SAXO1: variants seen among roughly 807,000 people sequenced by gnomAD.
SAXO1 encodes stabilizer of axonemal microtubules 1.
Under a neutral mutation model 17.5 loss-of-function variants are expected in SAXO1, and 21 were observed. The ratio of observed to expected loss-of-function variants is 1.20; its 90% CI spans 0.85 to 1.72. The LOEUF (loss-of-function observed/expected upper bound fraction) is 1.72, where lower values mean the gene tolerates loss of function less well. SAXO1 is among the 40% of genes most tolerant of loss of function. The probability of loss-of-function intolerance (pLI) is 0.00; values close to 1 mark genes in which losing one functional copy is unlikely to be tolerated. For synonymous variants in SAXO1, 274 were observed against 216.5 expected (o/e 1.27, Z -2.33); for missense variants, 843 against 596.0 (o/e 1.41, Z -4.32).
At chr9:18,992,233 G>A (rs1444311651) in intron 1 of SAXO1, among the ~76,000 whole-genome samples, 1 of 152,162 alleles carries the variant, frequency 6.6e-6, no homozygotes, top group African/African-American at 2.4e-5. Flanking sequence ...CAGTTCTAGG[G>A]GCTAGAAGTC....
chr9:19,005,975 C>T (rs1328690937), intron 1 of SAXO1, among the ~76,000 whole-genome samples: 1 of 152,132 alleles, frequency 6.6e-6, no homozygotes, highest in Non-Finnish European at 1.5e-5. Context: ...CTTGAGTAGA[C>T]ATCTCTCCAA....
At chr9:19,042,960 C>T (rs1027000572) in intron 1 of SAXO1, among the ~76,000 whole-genome samples, 5 of 151,914 alleles carry the variant, frequency 3.3e-5, no homozygotes, top group African/African-American at 1.2e-4. Flanking sequence ...TCACTTGAGC[C>T]CGGGAGTTTG....
chr9:18,974,768 T>C (rs1024361851), intron 1 of SAXO1, among the ~76,000 whole-genome samples: 20 of 152,208 alleles, frequency 1.3e-4, no homozygotes, highest in African/African-American at 4.6e-4. Flanking sequence ...AAATAATAAA[T>C]GTAGAGGAAA....
At chr9:18,996,133 A>G (rs140564481) in intron 1 of SAXO1, among the ~76,000 whole-genome samples, 1 of 152,308 alleles carries the variant, frequency 6.6e-6, no homozygotes, top group East Asian at 1.9e-4. Context: ...AACATATTCA[A>G]AAGTAGAAAT....
At chr9:18,960,902 T>C (rs10757011) in intron 1 of SAXO1, among the ~76,000 whole-genome samples, 82,115 of 152,046 alleles carry the variant, frequency 0.54, 25,735 homozygotes, top group Non-Finnish European at 0.7. Flanking sequence ...GGGGTTCCCA[T>C]TGAGAGTGAG....
At chr9:19,006,408 TA>T (rs1193505080) in intron 1 of SAXO1, among the ~76,000 whole-genome samples, 1 of 152,174 alleles carries the variant, frequency 6.6e-6, no homozygotes. Flanking sequence ...AATGTGGTGG[TA>T]AACACATACA....
intron 1 of SAXO1, 150 bp downstream of exon 1, chr9:19,032,721 G>T: frequency 1.3e-6 from 1 of 790,342 alleles, no homozygotes; most frequent in Non-Finnish European, 2.0e-6. Flanking sequence ...CGGGCACAAC[G>T]CTAGTTGACA....
At chr9:18,932,849 A>G (rs1831113882) in intron 3 of SAXO1, among the ~76,000 whole-genome samples, 1 of 152,228 alleles carries the variant, frequency 6.6e-6, no homozygotes, top group African/African-American at 2.4e-5. Flanking sequence ...TAGAATACAG[A>G]AACAACTGAT....
chr9:18,994,393 T>C (rs1563968297), intron 1 of SAXO1, among the ~76,000 whole-genome samples: 2 of 152,228 alleles, frequency 1.3e-5, no homozygotes, highest in African/African-American at 4.8e-5. Context: ...ACCAGTGCAC[T>C]ATCTGGAAAG....
intron 3 of SAXO1, among the ~76,000 whole-genome samples, chr9:18,930,602 C>T (rs1024661094): frequency 2.6e-5 from 4 of 152,184 alleles, no homozygotes; most frequent in South Asian, 2.1e-4. Context: ...CAGGTTCAAG[C>T]GATTCTCCTG....
chr9:18,982,932 T>C (rs1466903357), intron 1 of SAXO1, among the ~76,000 whole-genome samples: 1 of 152,172 alleles, frequency 6.6e-6, no homozygotes, highest in Non-Finnish European at 1.5e-5. Context: ...GATAGATGTA[T>C]TTCATAAAGC....
chr9:18,941,375 T>G (rs181192220), intron 3 of SAXO1, among the ~76,000 whole-genome samples: 12 of 152,188 alleles, frequency 7.9e-5, no homozygotes, highest in Non-Finnish European at 1.2e-4. Flanking sequence ...CAATAAAACA[T>G]GAACACTGAA....
chr9:18,931,140 C>A (rs1296269136), intron 3 of SAXO1, among the ~76,000 whole-genome samples: 3 of 152,110 alleles, frequency 2.0e-5, no homozygotes, highest in Admixed American at 6.5e-5. Flanking sequence ...TGCATCATGC[C>A]AAAAATACCA....
intron 1 of SAXO1, among the ~76,000 whole-genome samples, chr9:19,032,201 C>T (rs1835801760): frequency 6.6e-6 from 1 of 152,068 alleles, no homozygotes; most frequent in South Asian, 2.1e-4. Context: ...ACCCAGCTGC[C>T]CTGGGAAGCA....
At chr9:18,985,958 A>G (rs1833576455) in intron 1 of SAXO1, among the ~76,000 whole-genome samples, 1 of 152,208 alleles carries the variant, frequency 6.6e-6, no homozygotes, top group African/African-American at 2.4e-5. Flanking sequence ...ATGGTTTCCT[A>G]CCAAGAAGTA....
At chr9:18,997,738 G>A (rs1184069622) in intron 1 of SAXO1, among the ~76,000 whole-genome samples, 1 of 152,114 alleles carries the variant, frequency 6.6e-6, no homozygotes, top group African/African-American at 2.4e-5. Context: ...TCATACAGGT[G>A]GGTGCCGATC....
intron 1 of SAXO1, among the ~76,000 whole-genome samples, chr9:19,025,941 T>C (rs1835453093): frequency 6.6e-6 from 1 of 152,156 alleles, no homozygotes; most frequent in South Asian, 2.1e-4. Context: ...TATTGTACTC[T>C]ACAATCAAAA....
At chr9:19,022,750 A>C (rs543565390) in intron 1 of SAXO1, among the ~76,000 whole-genome samples, 1 of 152,358 alleles carries the variant, frequency 6.6e-6, no homozygotes, top group East Asian at 1.9e-4. Flanking sequence ...TTTAAAATAT[A>C]AGGATATATT....
intron 1 of SAXO1, among the ~76,000 whole-genome samples, chr9:19,000,507 T>A (rs73433240): frequency 2.0e-5 from 3 of 150,762 alleles, no homozygotes; most frequent in African/African-American, 7.3e-5. Flanking sequence ...GTCTGGGAAG[T>A]GAGGGGTGCC....
Sources: allele counts gnomAD v4.1 joint callset (sites outside exome capture counted in the v4.1 genomes callset), GRCh38; gene constraint gnomAD v4.1.1; transcripts MANE v1.5; gene names NCBI Gene and HGNC (gene_info 2026-07-23, HGNC 2026-07-21).